The following RARB variants were observed in gnomAD, a reference collection of about 807,000 sequenced individuals.
RARB encodes the protein retinoic acid receptor beta, also known as HBV-activated protein.
RARB carries 17 observed loss-of-function variants against 51.9 expected under a neutral mutation model. The ratio of observed to expected loss-of-function variants is 0.33; its 90% CI spans 0.22 to 0.49. RARB has a LOEUF of 0.49. Among genes scored for constraint, RARB ranks in the 20% least tolerant of loss-of-function variants. RARB has a pLI of 0.99. For missense variants in RARB, 369 were observed against 550.8 expected, an observed-to-expected ratio of 0.67 and a Z score of 3.30; for synonymous variants, 215 against 195.4, an observed-to-expected ratio of 1.10 and a Z score of -0.84.
intron 3 of RARB, among the ~76,000 whole-genome samples, chr3:25,131,109 A>G (rs11129184): frequency 0.56 from 84,989 of 151,460 alleles, 24,106 homozygotes; most frequent in East Asian, 0.7. Flanking sequence ...TTGTCTTCTG[A>G]AAATCAAGCT....
chr3:25,008,078 C>T (rs890107952), intron 2 of RARB, among the ~76,000 whole-genome samples: 4 of 152,132 alleles, frequency 2.6e-5, no homozygotes, highest in African/African-American at 9.7e-5. Flanking sequence ...CTTGAAGTCT[C>T]TTACAGAGAT....
intron 5 of RARB, among the ~76,000 whole-genome samples, chr3:25,207,702 C>G (rs188836124): frequency 1.3e-5 from 2 of 152,132 alleles, no homozygotes; most frequent in Non-Finnish European, 2.9e-5. Context: ...CCCTAACATA[C>G]CCCAAGTAGT....
chr3:25,285,152 T>C (rs1703618368), intron 5 of RARB, among the ~76,000 whole-genome samples: 2 of 152,324 alleles, frequency 1.3e-5, no homozygotes, highest in South Asian at 2.1e-4. Flanking sequence ...AGTGAATATA[T>C]AATTAAAACC....
At chr3:25,503,591 T>C (rs531437386) in intron 3 of RARB, among the ~76,000 whole-genome samples, 1 of 152,250 alleles carries the variant, frequency 6.6e-6, no homozygotes, top group South Asian at 2.1e-4. Flanking sequence ...CTTAATTAGA[T>C]TTAAAAATAT....
chr3:25,097,826 T>C (rs976015046), intron 3 of RARB, among the ~76,000 whole-genome samples: 3 of 152,160 alleles, frequency 2.0e-5, no homozygotes, highest in African/African-American at 7.2e-5. Context: ...GTGTATTTTT[T>C]GGAGGTATGC....
chr3:25,141,914 G>A (rs1488362026), intron 4 of RARB, among the ~76,000 whole-genome samples: 1 of 152,200 alleles, frequency 6.6e-6, no homozygotes, highest in South Asian at 2.1e-4. Flanking sequence ...TCGGTTATAA[G>A]ATTGAGCATT....
intron 2 of RARB, among the ~76,000 whole-genome samples, chr3:25,039,134 C>A (rs1366979042): frequency 1.3e-5 from 2 of 152,102 alleles, no homozygotes; most frequent in East Asian, 1.9e-4. Flanking sequence ...AAAAATACAT[C>A]AAAATAAAGC....
chr3:25,099,921 C>G (rs1374839307), intron 3 of RARB, among the ~76,000 whole-genome samples: 1 of 152,160 alleles, frequency 6.6e-6, no homozygotes, highest in African/African-American at 2.4e-5. Context: ...AATGCTTTTC[C>G]TTATGGACTA....
At chr3:25,143,726 A>G (rs984313642) in intron 4 of RARB, among the ~76,000 whole-genome samples, 1 of 152,220 alleles carries the variant, frequency 6.6e-6, no homozygotes, top group African/African-American at 2.4e-5. Flanking sequence ...GTACTTTGGA[A>G]TTAGACTGCT....
At chr3:25,064,604 A>G (rs1050752929) in intron 3 of RARB, among the ~76,000 whole-genome samples, 1 of 152,120 alleles carries the variant, frequency 6.6e-6, no homozygotes, top group African/African-American at 2.4e-5. Flanking sequence ...ACCCAGTGCT[A>G]TTGTGAAATG....
At chr3:25,106,763 G>A (rs538798868) in intron 3 of RARB, among the ~76,000 whole-genome samples, 35 of 151,872 alleles carry the variant, frequency 2.3e-4, no homozygotes, top group African/African-American at 8.2e-4. Context: ...TTTTTGATAA[G>A]TTAATCATTA....
chr3:24,916,618 A>T (rs957025935), intron 2 of RARB, among the ~76,000 whole-genome samples: 1 of 152,202 alleles, frequency 6.6e-6, no homozygotes, highest in Non-Finnish European at 1.5e-5. Context: ...AAGCATATTG[A>T]TGATATGGAG....
At chr3:25,583,439 G>A (rs1433274782) in intron 5 of RARB, among the ~76,000 whole-genome samples, 5 of 152,212 alleles carry the variant, frequency 3.3e-5, no homozygotes, top group African/African-American at 7.2e-5. Flanking sequence ...ATTGAGTACC[G>A]CCTGTTCAGA....
chr3:25,195,129 A>C (rs1192582020), intron 5 of RARB, among the ~76,000 whole-genome samples: 1 of 152,044 alleles, frequency 6.6e-6, no homozygotes, highest in African/African-American at 2.4e-5. Flanking sequence ...GGTCTTTATC[A>C]TACTGCTGAA....
At chr3:25,588,954 A>G (rs527469069) in intron 5 of RARB, among the ~76,000 whole-genome samples, 2 of 152,340 alleles carry the variant, frequency 1.3e-5, no homozygotes, top group East Asian at 1.9e-4. Flanking sequence ...GTTAAAAGCA[A>G]ATCATTAAGT....
intron 5 of RARB, among the ~76,000 whole-genome samples, chr3:25,214,691 A>G (rs1220137559): frequency 6.6e-6 from 1 of 152,222 alleles, no homozygotes; most frequent in Non-Finnish European, 1.5e-5. Flanking sequence ...CAAGGGAATT[A>G]TAAGATGAAA....
intron 3 of RARB, among the ~76,000 whole-genome samples, chr3:25,533,413 A>T (rs962418586): frequency 2.6e-5 from 4 of 152,224 alleles, no homozygotes; most frequent in Non-Finnish European, 4.4e-5. Context: ...TTAATGTGTC[A>T]TTAGTTGCCT....
rs529365505 is a variant in RARB at position 24,962,139 on chromosome 3, C to T, written c.-379-97986C>T. The stretch of plus-strand genomic sequence containing the variant: ...AGAGACGGGGTTTCACCGTGTTAGC[C>T]AGGATAGTCTCGATCTCCTGACCTC... On this transcript the variant is annotated intron_variant, in intron 2 of 11. Coordinates refer to the RARB transcript ENST00000383772. Among the ~76,000 whole-genome samples the T allele has an allele frequency of 6.6e-5, 10 of 152,044 alleles. No individual in the cohort carries two copies. The East Asian group carries it at 1.9e-3, about 30-fold the overall frequency.
At position 25,415,579 on chromosome 3, in the gene RARB, T is replaced by C. The variant is rs548891263; in HGVS notation, c.179-45614T>C. Among the ~76,000 whole-genome samples, 4 of 152,336 alleles carry C rather than the reference T, an allele frequency of 2.6e-5. No individual in the cohort carries two copies. In the South Asian group the frequency reaches 6.2e-4, roughly 24 times the overall value. On this transcript the variant is annotated intron_variant, in intron 5 of 11. Transcript: ENST00000383772. ...TACTACCTTTTTCCTGGTCTTAATG[T>C]AGGTTGGACTTCCCCATTCATGAGT...
Sources: allele counts gnomAD v4.1 joint callset (sites outside exome capture counted in the v4.1 genomes callset), GRCh38; gene constraint gnomAD v4.1.1; transcripts MANE v1.5; gene names NCBI Gene and HGNC (gene_info 2026-07-23, HGNC 2026-07-21).